The following SYNPO2 variants were observed in gnomAD, a reference collection of about 807,000 sequenced individuals.
SYNPO2 encodes synaptopodin-2.
SYNPO2 carries 56 observed loss-of-function variants against 85.0 expected under a neutral mutation model. The observed-to-expected ratio is 0.66, with a 90% CI of 0.53 to 0.82. The LOEUF (loss-of-function observed/expected upper bound fraction) is 0.82. Ranked by LOEUF, SYNPO2 falls within the 40% of genes least tolerant of loss-of-function variation. SYNPO2 has a pLI of 0.00. For missense variants in SYNPO2, 1,575 were observed against 1,534.2 expected (o/e 1.03, Z -0.44); for synonymous variants, 602 against 591.1 (o/e 1.02, Z -0.27).
intron 4 of SYNPO2, chr4:119,034,154 AT>A (rs1198665604): frequency 1.0e-6 from 1 of 985,360 alleles, no homozygotes; most frequent in Non-Finnish European, 1.2e-6. Context: ...GAATGCTTGC[AT>A]TTTGAATTCT....
intron 1 of SYNPO2, among the ~76,000 whole-genome samples, chr4:118,870,139 T>C (rs567368729): frequency 6.6e-6 from 1 of 152,362 alleles, no homozygotes; most frequent in Non-Finnish European, 1.5e-5. Context: ...GTTGCTGTTT[T>C]ACTCTGCCTG....
At chr4:118,911,475 C>A (rs765853182) in intron 1 of SYNPO2, among the ~76,000 whole-genome samples, 1 of 152,160 alleles carries the variant, frequency 6.6e-6, no homozygotes, top group Non-Finnish European at 1.5e-5. Context: ...ACCTTTCAAG[C>A]AGCTGGAGTG....
intron 1 of SYNPO2, among the ~76,000 whole-genome samples, chr4:118,989,638 C>T (rs1307140978): frequency 1.3e-5 from 2 of 152,200 alleles, no homozygotes; most frequent in Admixed American, 1.3e-4. Context: ...AGGAATGTGT[C>T]ATATAGTCAT....
At position 119,031,817 on chromosome 4, in the gene SYNPO2, C is replaced by T; in HGVS notation, c.3042C>T (p.Ala1014=). 2 of 1,614,224 alleles carry T rather than the reference C, an allele frequency of 1.2e-6. No individual in the cohort carries two copies. Among genetic ancestry groups the T allele is most frequent in the South Asian group, 1.1e-5 (1 of 91,086 alleles). ...QALPPRPVNA[A]SPTNVQASSV... ...TTCCTCCCCGGCCAGTGAATGCTGC[C>T]TCACCTACGAATGTGCAGGCTTCGT... is the stretch of plus-strand genomic sequence containing the variant. Residue 1014 remains alanine (A), a synonymous_variant, in exon 4 of 5, where the codon GCC becomes GCT. Transcript: ENST00000307142.
intron 1 of SYNPO2, among the ~76,000 whole-genome samples, chr4:118,977,038 G>C (rs1307742327): frequency 2.6e-5 from 4 of 152,208 alleles, no homozygotes; most frequent in Admixed American, 2.6e-4. Context: ...CCAGTCCGGC[G>C]CCGTGCGCTC....
intron 1 of SYNPO2, among the ~76,000 whole-genome samples, chr4:118,955,821 G>GA (rs1046586756): frequency 1.5e-4 from 22 of 149,784 alleles, no homozygotes; most frequent in South Asian, 4.2e-4. Context: ...GTGGGAAAAT[G>GA]AAAAAAAAAT....
rs76580266 is a variant in SYNPO2 at position 118,968,794 on chromosome 4, T to C, written c.106-54636T>C. Among the ~76,000 whole-genome samples the C allele has an allele frequency of 6.5e-3, 995 of 152,348 alleles. 14 individuals carry two copies. The highest frequency in any genetic ancestry group is 0.022 in the African/African-American group (895 of 41,576). ...CATAACTCCCTTGTGGAGGCCTCTC[T>C]TTTCAAAGTTAAAAACAAATTTTTG... On this transcript the variant is annotated intron_variant, in intron 1 of 4. Transcript: ENST00000307142.
rs66895824 is a variant in SYNPO2 at position 119,007,216 on chromosome 4, GTATATATA to G, written c.106-16192_106-16185del. The stretch of plus-strand genomic sequence containing the variant: ...ATTCCCAAAACAAAAAAGAACAAAG[GTATATATA>G]TATATATATATATATATATATGTAT... On this transcript the variant is annotated intron_variant, in intron 1 of 4. Transcript: ENST00000307142. 3.9e-3 allele frequency among the ~76,000 whole-genome samples: 181 copies of G among 46,286 alleles called. 10 individuals carry two copies. The highest frequency in any genetic ancestry group is 0.011 in the African/African-American group (166 of 14,542). The allele number at this position is 46,286 out of a possible 152,430, so 30.4% of individuals were successfully genotyped here. A position where few individuals can be genotyped will look rare whatever the true frequency, so the allele number is the denominator to read the frequency against.
intron 4 of SYNPO2, among the ~76,000 whole-genome samples, chr4:119,052,236 C>T (rs970410668): frequency 5.3e-5 from 8 of 152,146 alleles, no homozygotes; most frequent in African/African-American, 1.7e-4. Flanking sequence ...CCAGGCCAGT[C>T]CAGGCTAGGA....
At chr4:118,857,602 A>T (rs1307217544) in intron 1 of SYNPO2, among the ~76,000 whole-genome samples, 3 of 152,246 alleles carry the variant, frequency 2.0e-5, no homozygotes, top group Non-Finnish European at 2.9e-5. Context: ...AACCGTAAGT[A>T]ATCTGTGAAA....
intron 1 of SYNPO2, among the ~76,000 whole-genome samples, chr4:118,879,695 C>T (rs1040427580): frequency 6.6e-6 from 1 of 152,142 alleles, no homozygotes; most frequent in Non-Finnish European, 1.5e-5. Context: ...CGAGGGGCTG[C>T]AAAGGTCTTG....
At chr4:118,983,231 T>C (rs1736096148) in intron 1 of SYNPO2, among the ~76,000 whole-genome samples, 1 of 152,054 alleles carries the variant, frequency 6.6e-6, no homozygotes, top group Non-Finnish European at 1.5e-5. Context: ...ATCAAACATC[T>C]CCCTACCTCC....
chr4:118,869,016 T>C (rs1022871449), intron 1 of SYNPO2, among the ~76,000 whole-genome samples: 2 of 152,136 alleles, frequency 1.3e-5, no homozygotes, highest in East Asian at 1.9e-4. Context: ...AAATGACACA[T>C]GGTGGGGCTG....
At chr4:118,851,678 C>T (rs115294251) in intron 1 of SYNPO2, among the ~76,000 whole-genome samples, 6,265 of 152,162 alleles carry the variant, frequency 0.041, 198 homozygotes, top group Non-Finnish European at 0.064. Flanking sequence ...ATTAAAAATA[C>T]TGTATTTTTT....
intron 1 of SYNPO2, among the ~76,000 whole-genome samples, chr4:118,851,435 C>T (rs11938334): frequency 0.55 from 82,354 of 151,006 alleles, 24,193 homozygotes; most frequent in African/African-American, 0.76. Context: ...TGCGGTGAGC[C>T]GAGATTGCAC....
chr4:119,017,039 T>C lies in SYNPO2; in HGVS notation c.106-6391T>C, dbSNP rs541173644. 7.2e-5 allele frequency among the ~76,000 whole-genome samples: 11 copies of C among 152,290 alleles called. No individual in the cohort carries two copies. In the Middle Eastern group the frequency reaches 0.01, roughly 141 times the overall value. ...AAAACGTTTTTGTCTGGATATATCTTGGTGACAAGAGGAAGAAAGGTCATG... is the reference window on the plus strand; with the variant it reads ...AAAACGTTTTTGTCTGGATATATCTCGGTGACAAGAGGAAGAAAGGTCATG... On this transcript the variant is annotated intron_variant, in intron 1 of 4. Transcript: ENST00000307142.
intron 1 of SYNPO2, among the ~76,000 whole-genome samples, chr4:119,001,112 G>A (rs1204774213): frequency 6.6e-6 from 1 of 152,090 alleles, no homozygotes; most frequent in Non-Finnish European, 1.5e-5. Context: ...CCTTGGCTTT[G>A]TGCCCCATGG....
intron 1 of SYNPO2, among the ~76,000 whole-genome samples, chr4:118,911,943 G>C (rs1456644412): frequency 6.6e-6 from 1 of 152,076 alleles, no homozygotes; most frequent in Non-Finnish European, 1.5e-5. Context: ...ATCAAGTCTA[G>C]GTGCAAAATA....
chr4:119,058,115 C>T lies in SYNPO2; in HGVS notation c.*181C>T. ...GTGTGTGTATGTATGTGAATATACA[C>T]ACACACACACACACAGGTGAGTGTG... On this transcript the variant is annotated 3_prime_UTR_variant, in exon 5 of 5. Transcript: ENST00000307142. 4 of 401,422 alleles carry T rather than the reference C, an allele frequency of 1.0e-5. No individual in the cohort carries two copies. The highest frequency in any genetic ancestry group is 9.0e-6 in the Non-Finnish European group (2 of 223,396). The allele number at this position is 401,422 out of a possible 1,614,324, so 24.9% of individuals were successfully genotyped here.
Sources: allele counts gnomAD v4.1 joint callset (sites outside exome capture counted in the v4.1 genomes callset), GRCh38; gene constraint gnomAD v4.1.1; transcripts MANE v1.5; gene names NCBI Gene and HGNC (gene_info 2026-07-23, HGNC 2026-07-21).